The following ZNF274 variants were observed in gnomAD, a reference collection of about 807,000 sequenced individuals.
ZNF274 encodes the protein neurotrophin receptor-interacting factor homolog.
ZNF274 carries 23 observed loss-of-function variants against 42.5 expected under a neutral mutation model. That is an observed-to-expected ratio of 0.54 (90% CI 0.39 to 0.77). The LOEUF is 0.77. Ranked by LOEUF, ZNF274 falls within the 30% of genes least tolerant of loss-of-function variation. The probability of loss-of-function intolerance (pLI) is 0.00; values close to 1 mark genes in which losing one functional copy is unlikely to be tolerated. For missense variants in ZNF274, 679 were observed against 806.5 expected (o/e 0.84, Z 1.91); for synonymous variants, 292 against 305.4 (o/e 0.96, Z 0.46).
chr19:58,183,715 G>A, intron 1 of ZNF274: 1 of 486,058 alleles, frequency 2.1e-6, no homozygotes, highest in African/African-American at 2.0e-5. Flanking sequence ...CGATGCGCGG[G>A]ACAGAGGAGG....
chr19:58,210,262 T>G, intron 6 of ZNF274, 189 bp downstream of exon 6: 1 of 510,776 alleles, frequency 2.0e-6, no homozygotes, highest in East Asian at 3.5e-5. Context: ...CCAGCCACTG[T>G]GGCATCACTG....
intron 4 of ZNF274, among the ~76,000 whole-genome samples, chr19:58,199,237 G>A (rs1427941982): frequency 6.6e-6 from 1 of 151,472 alleles, no homozygotes; most frequent in African/African-American, 2.4e-5. Context: ...GTGGTGGTGG[G>A]CGCCTGTAAT....
chr19:58,210,170 T>C (rs1316326892), intron 6 of ZNF274, 97 bp downstream of exon 6: 2 of 895,306 alleles, frequency 2.2e-6, no homozygotes, highest in Non-Finnish European at 3.5e-6. Context: ...TCCTAAGACC[T>C]CCCACAGGCT....
chr19:58,206,651 T>C (rs987245879), intron 4 of ZNF274, 69 bp from the exon 5 acceptor site: 3 of 1,472,376 alleles, frequency 2.0e-6, no homozygotes, highest in Non-Finnish European at 2.7e-6. Flanking sequence ...ATTTCCCTAG[T>C]GAATAATGGC....
intron 3 of ZNF274, chr19:58,186,064 G>C (rs372136033): frequency 2.0e-4 from 57 of 287,090 alleles, no homozygotes; most frequent in East Asian, 1.8e-3. Flanking sequence ...TATTGTTCTT[G>C]CAACAAGAGT....
intron 1 of ZNF274, 106 bp downstream of exon 1, chr19:58,183,548 A>C (rs969527609): frequency 5.8e-6 from 1 of 172,800 alleles, no homozygotes; most frequent in Non-Finnish European, 1.3e-5. Flanking sequence ...GAGCTCGGGT[A>C]CCCTGAGCCG....
chr19:58,198,757 T>C (rs2075873432), intron 4 of ZNF274, among the ~76,000 whole-genome samples: 2 of 151,598 alleles, frequency 1.3e-5, no homozygotes, highest in South Asian at 2.1e-4. Context: ...TTTGGAAAAG[T>C]GTAGAGTTGC....
At chr19:58,190,925 C>A (rs749121742) in intron 4 of ZNF274, among the ~76,000 whole-genome samples, 3 of 152,168 alleles carry the variant, frequency 2.0e-5, no homozygotes, top group Non-Finnish European at 4.4e-5. Context: ...TGTGACTCTC[C>A]CCAACCCCCA....
chr19:58,206,821 G>A lies in ZNF274; in HGVS notation c.358G>A (p.Val120Met), dbSNP rs886397333. The A allele has an allele frequency of 1.2e-6, 2 of 1,613,884 alleles. No individual in the cohort carries two copies. Among genetic ancestry groups the A allele is most frequent in the Non-Finnish European group, 1.7e-6 (2 of 1,179,898 alleles). ...VVEVLTLNQE[V>M]AGPRNAQIQA... ...TGAGGTCCTCACACTGAACCAGGAG[G>A]TGGCTGGTCCCCGGAATGCCCAGAT... The change falls in exon 5 of 8, where the codon GTG becomes ATG. Residue 120 changes from valine to methionine, a missense_variant. Val to Met is a conservative substitution (Grantham distance 21). This residue lies in a region of ZNF274 where 223 missense variants were observed against 216.4 expected (regional missense o/e 1.03). Coordinates refer to ENST00000617501, the MANE Select transcript of ZNF274 (RefSeq NM_133502.3).
rs754735664 is a variant in ZNF274 at position 58,206,894 on chromosome 19, G to T, written c.431G>T (p.Ser144Ile). 4.3e-6 allele frequency: 7 copies of T among 1,613,688 alleles called. No individual in the cohort carries two copies. In the Admixed American group the frequency reaches 1.0e-4, roughly 23 times the overall value. ...EDGSLSADAPSEQVQQQGKHP... is the reference protein window; with the variant it reads ...EDGSLSADAPIEQVQQQGKHP... ...GGAAGCCTGAGTGCAGATGCCCCCA[G>T]TGAGCAGGTCCAACAGCAGGGCAAG... The change falls in exon 5 of 8, where the codon AGT becomes ATT. Residue 144 changes from serine (S) to isoleucine (I), a missense_variant. Coordinates refer to ENST00000617501, the MANE Select transcript of ZNF274 (RefSeq NM_133502.3).
Position 58,209,952 on chromosome 19 carries a change from T to C in ZNF274, c.740-9T>C. 6.2e-7 allele frequency: 1 copy of C among 1,607,292 alleles called. No individual in the cohort carries two copies. Among genetic ancestry groups the C allele is most frequent in the South Asian group, 1.1e-5 (1 of 90,432 alleles). ...CTGCTGACCTCCTCTGGCTGGTGTC[T>C]CCTCCCAGTACTTCCTGCAGGACAA... is the stretch of plus-strand genomic sequence containing the variant. On this transcript the variant is annotated splice_polypyrimidine_tract_variant and intron_variant, in intron 5 of 7. Transcript: ENST00000617501.
intron 1 of ZNF274, 167 bp downstream of exon 1, chr19:58,183,609 G>C (rs1343749314): frequency 3.3e-5 from 7 of 215,354 alleles, no homozygotes; most frequent in Admixed American, 1.6e-4. Flanking sequence ...CGGTGACCCG[G>C]AACCCCGAGG....
rs2076043131 is a variant in ZNF274 at position 58,211,754 on chromosome 19, T to G, written c.979+68T>G. ...CCACAGGAGCCCCAAGTCAGGGGTG[T>G]TCACCTTCTCTAGACTCCACACTGG... On this transcript the variant is annotated intron_variant, in intron 7 of 7. Coordinates refer to ENST00000617501, the MANE Select transcript of ZNF274 (RefSeq NM_133502.3). This position sits in a 1 kb window ranked among gnomAD's most constrained non-coding sequence, Gnocchi z 4.8. 3.2e-6 allele frequency: 5 copies of G among 1,551,760 alleles called. No homozygotes were observed. The Admixed American group carries it at 9.4e-5, about 29-fold the overall frequency.
chr19:58,192,835 C>T (rs2075793752), intron 4 of ZNF274, among the ~76,000 whole-genome samples: 2 of 152,134 alleles, frequency 1.3e-5, no homozygotes, highest in African/African-American at 2.4e-5. Context: ...GCCTTGAACT[C>T]CTGGGCTCAA....
At chr19:58,188,616 AAAAAATATAT>A (rs1468998836) in intron 4 of ZNF274, among the ~76,000 whole-genome samples, 1,787 of 60,640 alleles carry the variant, frequency 0.029, 32 homozygotes, top group Non-Finnish European at 0.038. Context: ...AAAAAAAAAA[AAAAAATATAT>A]ATATATATAT....
In ZNF274 at chr19:58,206,951, G is replaced by T; in HGVS notation, c.488G>T (p.Arg163Met). The change falls in exon 5 of 8, where the codon AGG becomes ATG. Residue 163 changes from arginine (R) to methionine (M), a missense_variant. By Grantham distance (91) the Arg-to-Met change is moderately conservative (BLOSUM62 -1). Coordinates refer to ENST00000617501, the MANE Select transcript of ZNF274 (RefSeq NM_133502.3). ...HPGDPEAARQ[R>M]FRQFRYKDMT... ...GGTGACCCTGAGGCCGCGCGCCAGAGGTTCCGGCAGTTCCGTTATAAGGAC... is the reference window on the plus strand; with the variant it reads ...GGTGACCCTGAGGCCGCGCGCCAGATGTTCCGGCAGTTCCGTTATAAGGAC... The T allele has an allele frequency of 6.2e-7, 1 of 1,611,138 alleles. No homozygotes were observed. Among genetic ancestry groups the T allele is most frequent in the Non-Finnish European group, 8.5e-7 (1 of 1,178,650 alleles).
chr19:58,207,157 G>A lies in ZNF274; in HGVS notation c.694G>A (p.Val232Met). 2 of 1,613,386 alleles carry A rather than the reference G, an allele frequency of 1.2e-6. No individual in the cohort carries two copies. The highest frequency in any genetic ancestry group is 1.7e-6 in the Non-Finnish European group (2 of 1,179,662). Residue 232 changes from valine (V) to methionine (M), a missense_variant, in exon 5 of 8, where the codon GTG becomes ATG. Transcript: ENST00000617501. This position sits in a 1 kb window ranked among gnomAD's most constrained non-coding sequence, Gnocchi z 5.6. ...GCAGCACCCAGAGAACTGCCAAGAG[G>A]TGGTGGCCCTGGTAGAGGGTGTGAC... ...ESQHPENCQE[V>M]VALVEGVTWM... is the part of the protein sequence containing the mutation.
At chr19:58,189,328 A>G (rs1442367311) in intron 4 of ZNF274, among the ~76,000 whole-genome samples, 1 of 152,114 alleles carries the variant, frequency 6.6e-6, no homozygotes, top group Admixed American at 6.6e-5. Context: ...GTGTTGTGGT[A>G]TTTGTTATAT....
At chr19:58,188,700 A>ATATATATG (rs2075740653) in intron 4 of ZNF274, among the ~76,000 whole-genome samples, 2 of 85,582 alleles carry the variant, frequency 2.3e-5, no homozygotes, top group Admixed American at 2.7e-4. Context: ...ATATGTATAT[A>ATATATATG]TATATATATA....
Sources: allele counts gnomAD v4.1 joint callset (sites outside exome capture counted in the v4.1 genomes callset), GRCh38; gene constraint gnomAD v4.1.1; regional missense constraint gnomAD v4.1.1; non-coding constraint Gnocchi (gnomAD v3.1); transcripts MANE v1.5; gene names NCBI Gene and HGNC (gene_info 2026-07-23, HGNC 2026-07-21).